Variants in CDK5RAP1 observed in about 807,000 individuals in gnomAD.
The protein encoded by CDK5RAP1 is CDK5RAP1 mitochondrial tRNA methylthiotransferase.
CDK5RAP1 carries 62 observed loss-of-function variants against 64.5 expected under a neutral mutation model. The observed-to-expected ratio is 0.96, with a 90% CI of 0.78 to 1.19. CDK5RAP1 has a LOEUF of 1.19. Ranked by LOEUF, CDK5RAP1 falls within the 50% of genes most tolerant of loss-of-function variation. The probability of loss-of-function intolerance (pLI) is 0.00; values close to 1 mark genes in which losing one functional copy is unlikely to be tolerated. For synonymous variants in CDK5RAP1, 250 were observed against 261.9 expected, an observed-to-expected ratio of 0.95 and a Z score of 0.44; for missense variants, 657 against 735.0, an observed-to-expected ratio of 0.89 and a Z score of 1.23.
In CDK5RAP1 at chr20:33,393,024, C is replaced by T. The variant is rs542710405; in HGVS notation, c.444-782G>A. On this transcript the variant is annotated intron_variant, in intron 4 of 13. Coordinates refer to ENST00000346416, the MANE Select transcript of CDK5RAP1 (RefSeq NM_016408.4). ...CCTCCTGAGTAGCTGGGATTACAGG[C>T]GTGCACCACCACGCCTGGCTAATTT... is the stretch of plus-strand genomic sequence containing the variant. Among the ~76,000 whole-genome samples the T allele has an allele frequency of 6.1e-4, 93 of 151,988 alleles. 3 individuals carry two copies. The South Asian group carries it at 0.016, about 27-fold the overall frequency.
upstream of CDK5RAP1, chr20:33,401,549 G>A: frequency 1.0e-6 from 1 of 985,418 alleles, no homozygotes; most frequent in African/African-American, 1.7e-5. Context: ...GCTACTTCAG[G>A]CCGGGTCATG....
chr20:33,391,249 T>TAAAAA (rs60730257), intron 5 of CDK5RAP1, among the ~76,000 whole-genome samples: 17 of 107,354 alleles, frequency 1.6e-4, no homozygotes, highest in Non-Finnish European at 3.1e-4. Flanking sequence ...ACTCTGTTTT[T>TAAAAA]AAAAAAAAAA....
chr20:33,359,174 G>A (rs1360551536), intron 13 of CDK5RAP1, 51 bp from the exon 14 acceptor site: 4 of 1,336,492 alleles, frequency 3.0e-6, no homozygotes, highest in African/African-American at 2.9e-5. Context: ...CTGTAGCACT[G>A]GGACTTCATG....
intron 4 of CDK5RAP1, among the ~76,000 whole-genome samples, chr20:33,393,108 G>C (rs185406415): frequency 7.9e-5 from 12 of 152,112 alleles, no homozygotes; most frequent in Non-Finnish European, 1.8e-4. Flanking sequence ...TTGAACTCCT[G>C]ACCTCATGAT....
intron 10 of CDK5RAP1, among the ~76,000 whole-genome samples, chr20:33,372,252 A>G (rs1985157864): frequency 6.7e-6 from 1 of 148,254 alleles, no homozygotes; most frequent in African/African-American, 2.5e-5. Flanking sequence ...AGATGAATAA[A>G]TAAGAATAGT....
intron 5 of CDK5RAP1, among the ~76,000 whole-genome samples, chr20:33,389,800 T>C (rs1378902943): frequency 1.3e-5 from 2 of 152,126 alleles, no homozygotes; most frequent in African/African-American, 4.8e-5. Flanking sequence ...AGAAATCAGA[T>C]TGTTGCTGTG....
At chr20:33,379,756 T>G in intron 7 of CDK5RAP1, 65 bp from the exon 8 acceptor site, 1 of 1,186,964 alleles carries the variant, frequency 8.4e-7, no homozygotes, top group Non-Finnish European at 1.2e-6. Context: ...AAACACTAAT[T>G]AAAAATTAGC....
intron 11 of CDK5RAP1, 112 bp from the exon 12 acceptor site, chr20:33,367,120 T>A: frequency 9.4e-7 from 1 of 1,065,288 alleles, no homozygotes. Flanking sequence ...AACAGACACA[T>A]GTACAGAAAC....
chr20:33,396,962 T>C lies in CDK5RAP1; in HGVS notation c.103A>G (p.Ser35Gly), dbSNP rs751026780. 1.5e-5 allele frequency: 24 copies of C among 1,614,048 alleles called. No homozygotes were observed. In the African/African-American group the frequency reaches 3.2e-4, roughly 22 times the overall value. Residue 35 changes from serine (S) to glycine (G), a missense_variant, in exon 2 of 14, where the codon AGT becomes GGT. Coordinates refer to ENST00000346416, the MANE Select transcript of CDK5RAP1 (RefSeq NM_016408.4). Reference protein sequence around the residue: ...LSLRMCRAHSSLSSTMCPSPE... With the variant: ...LSLRMCRAHSGLSSTMCPSPE... ...CTGGGACACATGGTACTAGAGAGAC[T>C]GCTGTGTGCCCTGCACATCCTCAGC...
chr20:33,360,623 T>A, intron 12 of CDK5RAP1, 132 bp from the exon 13 acceptor site: 1 of 758,534 alleles, frequency 1.3e-6, no homozygotes, highest in Non-Finnish European at 2.1e-6. Context: ...AAGGAATCAC[T>A]GAAGACTCAG....
chr20:33,371,736 T>C (rs1027889076), intron 10 of CDK5RAP1, among the ~76,000 whole-genome samples: 14 of 152,130 alleles, frequency 9.2e-5, no homozygotes, highest in Admixed American at 8.5e-4. Context: ...TGAGCCGAGA[T>C]TGCGCCACTG....
At chr20:33,398,034 T>C (rs1037365045) in intron 1 of CDK5RAP1, among the ~76,000 whole-genome samples, 1 of 152,142 alleles carries the variant, frequency 6.6e-6, no homozygotes, top group East Asian at 1.9e-4. Context: ...CTTCAAACTT[T>C]CCACCCAGAC....
intron 12 of CDK5RAP1, 41 bp from the exon 13 acceptor site, chr20:33,360,532 T>C (rs895375053): frequency 1.3e-6 from 2 of 1,576,934 alleles, no homozygotes; most frequent in Non-Finnish European, 1.7e-6. Flanking sequence ...TTTGTCACAG[T>C]TGTAAGTTCT....
rs368904466 is a variant in CDK5RAP1 at position 33,367,013 on chromosome 20, T to TA, written c.1393-6dup. ...CCTATGATATGCCCGTGTCTTCTATTAAAAAAAAAAAAAAGAGAGAAGATG... is the reference window on the plus strand; with the variant it reads ...CCTATGATATGCCCGTGTCTTCTATTAAAAAAAAAAAAAAAGAGAGAAGATG... On this transcript the variant is annotated splice_polypyrimidine_tract_variant and splice_region_variant and intron_variant, in intron 11 of 13. Coordinates refer to ENST00000346416, the MANE Select transcript of CDK5RAP1 (RefSeq NM_016408.4). 0.023 allele frequency: 32,987 copies of TA among 1,417,830 alleles called. 3 individuals are homozygous for TA. The highest frequency in any genetic ancestry group is 0.025 in the Non-Finnish European group (25,865 of 1,042,686). 87.8% of individuals were successfully genotyped at this position (1,417,830 alleles called of 1,614,324 possible).
At chr20:33,370,847 A>G (rs376582230) in intron 10 of CDK5RAP1, among the ~76,000 whole-genome samples, 16 of 152,234 alleles carry the variant, frequency 1.1e-4, no homozygotes, top group African/African-American at 3.9e-4. Flanking sequence ...ATTTCCCCTA[A>G]GCACTAGAAA....
intron 12 of CDK5RAP1, 23 bp downstream of exon 12, chr20:33,366,836 A>AAC (rs1351343374): frequency 5.7e-6 from 9 of 1,589,566 alleles, no homozygotes; most frequent in African/African-American, 1.4e-5. Context: ...AAAACAACAT[A>AAC]ACACACACAC....
chr20:33,369,070 G>A (rs973722514), intron 11 of CDK5RAP1, among the ~76,000 whole-genome samples: 1 of 151,854 alleles, frequency 6.6e-6, no homozygotes, highest in Non-Finnish European at 1.5e-5. Context: ...AACCTGGAAG[G>A]TGGAGGTTGC....
chr20:33,367,347 G>A (rs1292275816), intron 11 of CDK5RAP1, among the ~76,000 whole-genome samples: 1 of 152,204 alleles, frequency 6.6e-6, no homozygotes, highest in Non-Finnish European at 1.5e-5. Context: ...GAAGACATAA[G>A]ATGCAATGCA....
Position 33,397,013 on chromosome 20 carries a change from G to A in CDK5RAP1, c.52C>T (p.Pro18Ser), listed in dbSNP as rs369298852. 1.2e-6 allele frequency: 2 copies of A among 1,614,000 alleles called. No homozygotes were observed. Among genetic ancestry groups the A allele is most frequent in the Admixed American group, 1.7e-5 (1 of 60,002 alleles). The change falls in exon 2 of 14, where the codon CCA (proline) becomes TCA (serine). Residue 18 changes from proline to serine, a missense_variant. Coordinates refer to ENST00000346416, the MANE Select transcript of CDK5RAP1 (RefSeq NM_016408.4). ...LQVQRSLGWG[P>S]LASVSWLSLR... The stretch of plus-strand genomic sequence containing the variant: ...GACAGCCAAGACACAGAGGCCAATG[G>A]TCCCCACCCCAGAGACCTCTGCACT...
Sources: gnomAD v4.1 joint callset for allele counts (sites outside exome capture counted in the v4.1 genomes callset) on GRCh38, gnomAD v4.1.1 for gene constraint, MANE v1.5 for transcripts, NCBI Gene and HGNC (gene_info 2026-07-23, HGNC 2026-07-21) for gene names.